The following NLGN1 variants were observed in gnomAD, a reference collection of about 807,000 sequenced individuals.
NLGN1 encodes neuroligin 1, also known as neuroligin-1.
NLGN1 carries 12 observed loss-of-function variants against 65.5 expected under a neutral mutation model. That is an observed-to-expected ratio of 0.18 (90% CI 0.12 to 0.30). The LOEUF is 0.30. NLGN1 is among the 10% of genes least tolerant of loss of function. The pLI is 1.00. For synonymous variants in NLGN1, 350 were observed against 359.5 expected (o/e 0.97, Z 0.30); for missense variants, 750 against 1,007.1 (o/e 0.74, Z 3.46).
chr3:173,835,580 T>TACACACACAC (rs57183549), intron 4 of NLGN1, among the ~76,000 whole-genome samples: 61,260 of 146,218 alleles, frequency 0.42, 13,584 homozygotes, highest in Non-Finnish European at 0.5. Context: ...TTCAAACACA[T>TACACACACAC]ACACACACAC....
chr3:173,849,690 G>T (rs1233348931), intron 4 of NLGN1, among the ~76,000 whole-genome samples: 1 of 152,026 alleles, frequency 6.6e-6, no homozygotes. Flanking sequence ...GATGAACAGG[G>T]AACTCTGTTG....
chr3:173,454,295 G>C (rs1194920010), intron 2 of NLGN1, among the ~76,000 whole-genome samples: 3 of 152,196 alleles, frequency 2.0e-5, no homozygotes, highest in Non-Finnish European at 4.4e-5. Context: ...TTTCCATAAG[G>C]ATAAATGATC....
chr3:174,080,722 A>G (rs187026325), intron 4 of NLGN1, among the ~76,000 whole-genome samples: 276 of 150,466 alleles, frequency 1.8e-3, no homozygotes, highest in Non-Finnish European at 2.9e-3. Context: ...AGCTCCTGAG[A>G]TCTTATCAGG....
rs1366595864 is a variant in NLGN1 at position 173,470,179 on chromosome 3, T to C, written c.-321+35101T>C. Among the ~76,000 whole-genome samples, 5 of 152,150 alleles carry C rather than the reference T, an allele frequency of 3.3e-5. No individual in the cohort carries two copies. In the East Asian group the frequency reaches 9.7e-4, roughly 29 times the overall value. On this transcript the variant is annotated intron_variant, in intron 2 of 6. Coordinates refer to ENST00000457714, the Ensembl canonical transcript of NLGN1. ...CAAAACCCAATGGGGACTTCTTTTT[T>C]AAACAGAGAAATCTCTTAACTGCTT...
intron 2 of NLGN1, among the ~76,000 whole-genome samples, chr3:173,513,604 T>C (rs982660676): frequency 3.3e-5 from 5 of 152,198 alleles, no homozygotes; most frequent in Non-Finnish European, 5.9e-5. Context: ...GAATGGCAAC[T>C]TCTAAGCTCC....
At chr3:174,067,371 T>C (rs1406095121) in intron 4 of NLGN1, among the ~76,000 whole-genome samples, 1 of 152,208 alleles carries the variant, frequency 6.6e-6, no homozygotes, top group African/African-American at 2.4e-5. Context: ...TTCTACCAAC[T>C]ATTTAGAAAT....
chr3:173,938,447 T>C (rs1560677690), intron 4 of NLGN1, among the ~76,000 whole-genome samples: 1 of 152,292 alleles, frequency 6.6e-6, no homozygotes, highest in Middle Eastern at 3.4e-3. Flanking sequence ...CAGAGGCCTT[T>C]CAGTGATCTG....
At chr3:173,466,087 C>T (rs543389501) in intron 2 of NLGN1, among the ~76,000 whole-genome samples, 6 of 152,178 alleles carry the variant, frequency 3.9e-5, no homozygotes, top group African/African-American at 7.2e-5. Flanking sequence ...ATGATGCATG[C>T]GTAACTTGAG....
intron 3 of NLGN1, among the ~76,000 whole-genome samples, chr3:173,694,521 G>A (rs1237594025): frequency 6.6e-6 from 1 of 152,092 alleles, no homozygotes; most frequent in African/African-American, 2.4e-5. Context: ...ATATTGCCTT[G>A]TGTGATAAAA....
At chr3:174,289,049 A>G (rs917444789), downstream of NLGN1, among the ~76,000 whole-genome samples, 6 of 151,432 alleles carry the variant, frequency 4.0e-5, no homozygotes, top group East Asian at 1.2e-3. Flanking sequence ...TAAGGAAATC[A>G]ACAAAGATGA....
intron 1 of NLGN1, among the ~76,000 whole-genome samples, chr3:173,434,081 G>C (rs965125928): frequency 2.0e-5 from 3 of 152,090 alleles, no homozygotes; most frequent in African/African-American, 7.2e-5. Context: ...CAGAATTCTA[G>C]AATCGACTTT....
At chr3:173,633,131 G>A (rs1755996923) in intron 3 of NLGN1, among the ~76,000 whole-genome samples, 1 of 152,034 alleles carries the variant, frequency 6.6e-6, no homozygotes, top group African/African-American at 2.4e-5. Context: ...CTTTGTTTGG[G>A]ACAAGGAGAC....
At chr3:173,949,895 T>C (rs1211839796) in intron 4 of NLGN1, among the ~76,000 whole-genome samples, 1 of 152,174 alleles carries the variant, frequency 6.6e-6, no homozygotes, top group East Asian at 1.9e-4. Flanking sequence ...TATTTAATCA[T>C]CTGCTTCTGG....
chr3:173,755,733 G>A (rs931953360), intron 3 of NLGN1, among the ~76,000 whole-genome samples: 4 of 152,008 alleles, frequency 2.6e-5, no homozygotes, highest in Non-Finnish European at 4.4e-5. Flanking sequence ...AACATAAAGC[G>A]CAATGTAAAG....
chr3:174,277,496 A>G (rs1280714715), intron 5 of NLGN1, among the ~76,000 whole-genome samples: 1 of 151,972 alleles, frequency 6.6e-6, no homozygotes, highest in African/African-American at 2.4e-5. Context: ...ATAATATTAT[A>G]GAAATCACCA....
At chr3:174,267,842 T>G (rs1748573990) in intron 4 of NLGN1, among the ~76,000 whole-genome samples, 1 of 152,174 alleles carries the variant, frequency 6.6e-6, no homozygotes. Context: ...AACATGTATA[T>G]AATGACTATC....
At chr3:174,145,891 C>G (rs770914532) in intron 4 of NLGN1, among the ~76,000 whole-genome samples, 1 of 152,160 alleles carries the variant, frequency 6.6e-6, no homozygotes, top group Non-Finnish European at 1.5e-5. Flanking sequence ...GAGCAATGTG[C>G]CATAGTGCAG....
intron 4 of NLGN1, among the ~76,000 whole-genome samples, chr3:174,229,269 G>A (rs951922846): frequency 6.6e-6 from 1 of 152,014 alleles, no homozygotes; most frequent in African/African-American, 2.4e-5. Context: ...AAGTAGATTT[G>A]GGTTATGAAT....
intron 4 of NLGN1, among the ~76,000 whole-genome samples, chr3:173,911,452 A>T (rs918313077): frequency 2.6e-5 from 4 of 152,212 alleles, no homozygotes; most frequent in Non-Finnish European, 5.9e-5. Context: ...AAAAATATTA[A>T]TTTCCTTTTT....
Sources: gnomAD v4.1 joint callset for allele counts (sites outside exome capture counted in the v4.1 genomes callset) on GRCh38, gnomAD v4.1.1 for gene constraint, MANE v1.5 for transcripts, NCBI Gene and HGNC (gene_info 2026-07-23, HGNC 2026-07-21) for gene names.